The following PCDHGB6 variants were observed in gnomAD, a reference collection of about 807,000 sequenced individuals.
PCDHGB6 encodes the protein protocadherin gamma subfamily B, 6.
A neutral mutation model predicts 59.1 loss-of-function variants in PCDHGB6; 51 were observed. That is an observed-to-expected ratio of 0.86 (90% CI 0.69 to 1.09). The LOEUF is 1.09. Ranked by LOEUF, PCDHGB6 falls within the 50% of genes least tolerant of loss-of-function variation. The pLI is 0.00. For missense variants in PCDHGB6, 1,148 were observed against 1,205.1 expected, an observed-to-expected ratio of 0.95 and a Z score of 0.70; for synonymous variants, 466 against 495.1, an observed-to-expected ratio of 0.94 and a Z score of 0.78.
intron 1 of PCDHGB6, chr5:141,419,135 G>A (rs2096331504): frequency 3.1e-6 from 5 of 1,613,910 alleles, no homozygotes; most frequent in Non-Finnish European, 4.2e-6. Flanking sequence ...CGCAGCCACA[G>A]ACAGGGGCAA....
chr5:141,423,440 C>T lies in PCDHGB6; in HGVS notation c.2418+12820C>T, dbSNP rs768389351. 27 of 1,613,852 alleles carry T rather than the reference C, an allele frequency of 1.7e-5. No individual in the cohort carries two copies. In the East Asian group the frequency reaches 4.5e-4, roughly 27 times the overall value. ...GAAGGCGGGTTGGCAGGTATGCCCACGTCACATTTTGTAGGCGTGGACGGG... is the reference window on the plus strand; with the variant it reads ...GAAGGCGGGTTGGCAGGTATGCCCATGTCACATTTTGTAGGCGTGGACGGG... On this transcript the variant is annotated intron_variant, in intron 1 of 3. Coordinates refer to ENST00000520790, the MANE Select transcript of PCDHGB6 (RefSeq NM_018926.3).
chr5:141,471,408 T>C (rs951728688), intron 1 of PCDHGB6: 1 of 152,166 alleles, frequency 6.6e-6, no homozygotes, highest in Non-Finnish European at 1.5e-5. Flanking sequence ...CTAGGCTTAG[T>C]TATGTTTTTA....
chr5:141,430,315 T>C (rs185896854), intron 1 of PCDHGB6, among the ~76,000 whole-genome samples: 58 of 151,980 alleles, frequency 3.8e-4, no homozygotes, highest in African/African-American at 1.3e-3. Context: ...CATTATAAGA[T>C]TAAAATCATT....
chr5:141,490,978 C>T lies in PCDHGB6; in HGVS notation c.2419-3829C>T. 6.2e-7 allele frequency: 1 copy of T among 1,614,100 alleles called. No individual in the cohort carries two copies. Among genetic ancestry groups the T allele is most frequent in the Non-Finnish European group, 8.5e-7 (1 of 1,180,034 alleles). ...GGAACACTCAGCCCCCCAGCGTCTC[C>T]CTCGCTCTGCTCCTCCTGGCTCCTT... is the stretch of plus-strand genomic sequence containing the variant. On this transcript the variant is annotated intron_variant, in intron 1 of 3. Coordinates refer to ENST00000520790, the MANE Select transcript of PCDHGB6 (RefSeq NM_018926.3). The surrounding 1 kb of genome is among the most constrained non-coding windows in gnomAD (Gnocchi z 5.4).
chr5:141,476,453 G>C lies in PCDHGB6; in HGVS notation c.2419-18354G>C. On this transcript the variant is annotated intron_variant, in intron 1 of 3. Coordinates refer to ENST00000520790, the MANE Select transcript of PCDHGB6 (RefSeq NM_018926.3). This position sits in a 1 kb window ranked among gnomAD's most constrained non-coding sequence, Gnocchi z 7.6. The stretch of plus-strand genomic sequence containing the variant: ...CACTGTAACTCTGGAGTTGGTAGTG[G>C]AGAACCCGCTGGAGCTGTTCAGCGT... 2 of 1,614,138 alleles carry C rather than the reference G, an allele frequency of 1.2e-6. No homozygotes were observed. Among genetic ancestry groups the C allele is most frequent in the Non-Finnish European group, 1.7e-6 (2 of 1,180,022 alleles).
chr5:141,419,926 G>A lies in PCDHGB6; in HGVS notation c.2418+9306G>A. 3 of 1,614,096 alleles carry A rather than the reference G, an allele frequency of 1.9e-6. No homozygotes were observed. In the South Asian group the frequency reaches 3.3e-5, roughly 18 times the overall value. On this transcript the variant is annotated intron_variant, in intron 1 of 3. Transcript: ENST00000520790. ...CCTCTGACTCCCAGGCTGAGATGCA[G>A]TTTTACCTGGTGGTGGCCTTGGCCT... is the stretch of plus-strand genomic sequence containing the variant.
Position 141,485,294 on chromosome 5 carries a change from G to A in PCDHGB6, c.2419-9513G>A, listed in dbSNP as rs2099611126. Reference sequence around the variant, plus strand: ...CTACCCGGTCCCAGAGGAGTCACAGGAAGGGACTTTTGTAGGGAATGTCGC... The same window carrying A: ...CTACCCGGTCCCAGAGGAGTCACAGAAAGGGACTTTTGTAGGGAATGTCGC... On this transcript the variant is annotated intron_variant, in intron 1 of 3. Coordinates refer to ENST00000520790, the MANE Select transcript of PCDHGB6 (RefSeq NM_018926.3). The surrounding 1 kb of genome is among the most constrained non-coding windows in gnomAD (Gnocchi z 5.7). The A allele has an allele frequency of 6.2e-7, 1 of 1,614,044 alleles. No homozygotes were observed. Among genetic ancestry groups the A allele is most frequent in the Non-Finnish European group, 8.5e-7 (1 of 1,179,988 alleles).
At chr5:141,450,626 A>G (rs1474729472) in intron 1 of PCDHGB6, among the ~76,000 whole-genome samples, 1 of 151,438 alleles carries the variant, frequency 6.6e-6, no homozygotes, top group East Asian at 2.0e-4. Context: ...AGCTGGGATT[A>G]CAGATGCCTG....
At position 141,489,097 on chromosome 5, in the gene PCDHGB6, C is replaced by A; in HGVS notation, c.2419-5710C>A. ...ACCCCCGCCACTCGGTGACTAAGAA[C>A]TGCTGCAAGCAGGCAAACCTCCGAG... On this transcript the variant is annotated intron_variant, in intron 1 of 3. Transcript: ENST00000520790. This position sits in a 1 kb window ranked among gnomAD's most constrained non-coding sequence, Gnocchi z 4.5. The A allele has an allele frequency of 2.6e-5, 8 of 313,358 alleles. No homozygotes were observed. Among genetic ancestry groups the A allele is most frequent in the Non-Finnish European group, 3.5e-5 (6 of 172,456 alleles). The allele number at this position is 313,358 out of a possible 1,614,324, so 19.4% of individuals were successfully genotyped here. A position where few individuals can be genotyped will look rare whatever the true frequency, so the allele number is the denominator to read the frequency against.
intron 1 of PCDHGB6, among the ~76,000 whole-genome samples, chr5:141,482,385 A>T (rs1238551737): frequency 6.6e-6 from 1 of 152,210 alleles, no homozygotes; most frequent in Non-Finnish European, 1.5e-5. Context: ...AAGTCCCTGT[A>T]TGGAGCAAGT....
chr5:141,476,839 G>A lies in PCDHGB6; in HGVS notation c.2419-17968G>A, dbSNP rs372676286. The A allele has an allele frequency of 5.0e-6, 8 of 1,613,490 alleles. No homozygotes were observed. Among genetic ancestry groups the A allele is most frequent in the South Asian group, 1.1e-5 (1 of 91,088 alleles). On this transcript the variant is annotated intron_variant, in intron 1 of 3. Transcript: ENST00000520790. The surrounding 1 kb of genome is among the most constrained non-coding windows in gnomAD (Gnocchi z 7.6). ...AGGTGCTGGACGCGAATGACAATGC[G>A]CCTGTCTTCAACCAGTCCTTGTACC...
In PCDHGB6 at chr5:141,491,721, C is replaced by T. The variant is rs761584159; in HGVS notation, c.2419-3086C>T. On this transcript the variant is annotated intron_variant, in intron 1 of 3. Transcript: ENST00000520790. The surrounding 1 kb of genome is among the most constrained non-coding windows in gnomAD (Gnocchi z 6.9). The stretch of plus-strand genomic sequence containing the variant: ...GCCAGGTGAGGGGCTCGGCGCCGCC[C>T]CGGGCGACCCCTGGGGGCGGCACTG... 3 of 1,607,250 alleles carry T rather than the reference C, an allele frequency of 1.9e-6. No homozygotes were observed. Among genetic ancestry groups the T allele is most frequent in the Admixed American group, 1.7e-5 (1 of 58,860 alleles).
At chr5:141,423,598 C>A in intron 1 of PCDHGB6, 1 of 1,612,940 alleles carries the variant, frequency 6.2e-7, no homozygotes, top group East Asian at 2.2e-5. Flanking sequence ...GAAAAGCGAG[C>A]CACTCTTGAT....
rs2098098668 is a variant in PCDHGB6, at chr5:141,439,210, T to C, written c.2418+28590T>C. Among the ~76,000 whole-genome samples the C allele has an allele frequency of 4.0e-5, 6 of 150,296 alleles. No homozygotes were observed. The Middle Eastern group carries it at 0.014, about 343-fold the overall frequency. On this transcript the variant is annotated intron_variant, in intron 1 of 3. Transcript: ENST00000520790. The stretch of plus-strand genomic sequence containing the variant: ...TCTGACAAAAAAAAAAAAAAATCCA[T>C]ATGTGAAAATTCTTAGAAGCTTCCT...
rs1189175823 is a variant in PCDHGB6 at position 141,422,087 on chromosome 5, G to T, written c.2418+11467G>T. 2 of 1,611,966 alleles carry T rather than the reference G, an allele frequency of 1.2e-6. No individual in the cohort carries two copies. ...ATGTATTCATTTCGGAACATGGAAA[G>T]CAAGGCTTCTGAAATATTCCAATTG... is the stretch of plus-strand genomic sequence containing the variant. On this transcript the variant is annotated intron_variant, in intron 1 of 3. Transcript: ENST00000520790.
In PCDHGB6 at chr5:141,432,929, C is replaced by T. The variant is rs759937939; in HGVS notation, c.2418+22309C>T. On this transcript the variant is annotated intron_variant, in intron 1 of 3. Coordinates refer to ENST00000520790, the MANE Select transcript of PCDHGB6 (RefSeq NM_018926.3). This position sits in a 1 kb window ranked among gnomAD's most constrained non-coding sequence, Gnocchi z 6.0. ...GCTGCGGCGCTGGCACAAGTCACGCCTGCTGCAGGCTTCAGGAGGCGGCTT... is the reference window on the plus strand; with the variant it reads ...GCTGCGGCGCTGGCACAAGTCACGCTTGCTGCAGGCTTCAGGAGGCGGCTT... The T allele has an allele frequency of 6.2e-7, 1 of 1,614,078 alleles. No individual in the cohort carries two copies. Among genetic ancestry groups the T allele is most frequent in the African/African-American group, 1.3e-5 (1 of 74,948 alleles).
chr5:141,429,476 A>T (rs1279691939), intron 1 of PCDHGB6, among the ~76,000 whole-genome samples: 1 of 152,112 alleles, frequency 6.6e-6, no homozygotes, highest in Non-Finnish European at 1.5e-5. Flanking sequence ...CAATCTCCAG[A>T]GTAGCTGAGA....
chr5:141,410,186 C>G lies in PCDHGB6; in HGVS notation c.1984C>G (p.Leu662Val). The G allele has an allele frequency of 6.2e-7, 1 of 1,613,940 alleles. No individual in the cohort carries two copies. The highest frequency in any genetic ancestry group is 8.5e-7 in the Non-Finnish European group (1 of 1,179,814). ...PPLSATATLH[L>V]VFADNLQEIL... ...ACTCTCTGCCACCGCCACGCTTCAT[C>G]TGGTCTTCGCAGACAACTTGCAAGA... Residue 662 changes from leucine to valine, a missense_variant, in exon 1 of 4, where the codon CTG becomes GTG. Around this residue, in one of 5 missense-constraint regions of PCDHGB6, gnomAD observed 549 missense variants for 527.5 expected, o/e 1.04. Transcript: ENST00000520790.
intron 1 of PCDHGB6, chr5:141,478,484 C>T (rs376021397): frequency 6.2e-7 from 1 of 1,613,458 alleles, no homozygotes; most frequent in South Asian, 1.1e-5. Flanking sequence ...GAACACGCTG[C>T]GGAGCTGTGA....
Sources: allele counts gnomAD v4.1 joint callset (sites outside exome capture counted in the v4.1 genomes callset), GRCh38; gene constraint gnomAD v4.1.1; regional missense constraint gnomAD v4.1.1; non-coding constraint Gnocchi (gnomAD v3.1); transcripts MANE v1.5; gene names NCBI Gene and HGNC (gene_info 2026-07-23, HGNC 2026-07-21).